The following ANKRD13D variants were observed in gnomAD, a reference collection of about 807,000 sequenced individuals.
ANKRD13D encodes the protein ankyrin repeat domain 13D, also known as ankyrin repeat domain-containing protein 13D.
Under a neutral mutation model 68.8 loss-of-function variants are expected in ANKRD13D, and 24 were observed. That is an observed-to-expected ratio of 0.35 (90% CI 0.25 to 0.49). ANKRD13D has a LOEUF of 0.49. Ranked by LOEUF, ANKRD13D falls within the 20% of genes least tolerant of loss-of-function variation. The pLI, the probability that ANKRD13D is intolerant of heterozygous loss-of-function variation, is 0.99. For synonymous variants in ANKRD13D, 331 were observed against 336.1 expected (o/e 0.98, Z 0.16); for missense variants, 735 against 832.1 (o/e 0.88, Z 1.44).
rs1860498171 is a variant in ANKRD13D, at chr11:67,290,680, C to A, written c.351+234C>A. On this transcript the variant is annotated intron_variant, in intron 3 of 14. Transcript: ENST00000511455. ...GAGAAGCCTTGCCAGCTTTGGGCCT[C>A]CTGAAGAATGCAGATTACCTGGAGC... 1.1e-5 allele frequency: 6 copies of A among 548,268 alleles called. No individual in the cohort carries two copies. In the South Asian group the frequency reaches 1.8e-4, roughly 17 times the overall value. The allele number at this position is 548,268 out of a possible 1,614,324, so 34.0% of individuals were successfully genotyped here. A position where few individuals can be genotyped will look rare whatever the true frequency, so the allele number is the denominator to read the frequency against.
chr11:67,299,465 C>T lies in ANKRD13D; in HGVS notation c.799-65C>T. The T allele has an allele frequency of 2.9e-6, 4 of 1,365,726 alleles. No individual in the cohort carries two copies. Among genetic ancestry groups the T allele is most frequent in the Middle Eastern group, 3.5e-4 (2 of 5,634 alleles). 84.6% of individuals were successfully genotyped at this position (1,365,726 alleles called of 1,614,324 possible). On this transcript the variant is annotated intron_variant, in intron 7 of 14. Transcript: ENST00000511455. This position sits in a 1 kb window ranked among gnomAD's most constrained non-coding sequence, Gnocchi z 6.2. Reference sequence around the variant, plus strand: ...GGGACAGGAGGACCTGGGTTCTGCACTGGTGAGGCTGAGTGTGGGGAGCAG... The same window carrying T: ...GGGACAGGAGGACCTGGGTTCTGCATTGGTGAGGCTGAGTGTGGGGAGCAG...
chr11:67,289,913 G>C (rs1181364066), intron 1 of ANKRD13D, 165 bp from the exon 2 acceptor site: 9 of 1,439,114 alleles, frequency 6.3e-6, no homozygotes, highest in Non-Finnish European at 8.2e-6. Flanking sequence ...CTTCCCTCCT[G>C]CCCCCTCCTC....
Position 67,299,084 on chromosome 11 carries a change from G to A in ANKRD13D, c.758G>A (p.Arg253Gln). Residue 253 changes from arginine to glutamine, a missense_variant, in exon 7 of 15, where the codon CGG becomes CAG. Coordinates refer to ENST00000511455, the MANE Select transcript of ANKRD13D (RefSeq NM_207354.3). The surrounding 1 kb of genome is among the most constrained non-coding windows in gnomAD (Gnocchi z 6.2). Reference sequence around the variant, plus strand: ...AACAAATGTGGTATCTGGGGCTGGCGGTCTGAGAAGATGGAAACTGTTAGC... The same window carrying A: ...AACAAATGTGGTATCTGGGGCTGGCAGTCTGAGAAGATGGAAACTGTTAGC... ...ERNKCGIWGW[R>Q]SEKMETVSGY... The A allele has an allele frequency of 1.2e-6, 2 of 1,613,344 alleles. No homozygotes were observed. Among genetic ancestry groups the A allele is most frequent in the Non-Finnish European group, 1.7e-6 (2 of 1,179,672 alleles).
chr11:67,300,058 C>T lies in ANKRD13D; in HGVS notation c.1008C>T (p.Asp336=). The change falls in exon 10 of 15, where the codon GAC becomes GAT. Residue 336 remains aspartate (D), a synonymous_variant. Coordinates refer to ENST00000511455, the MANE Select transcript of ANKRD13D (RefSeq NM_207354.3). This position sits in a 1 kb window ranked among gnomAD's most constrained non-coding sequence, Gnocchi z 4.3. ...CCATCTCCCCTGAGGAGTACTTCGA[C>T]CCCAACTTCAGCCTGGAGTCACGGA... ...PTAISPEEYF[D]PNFSLESRNI... The T allele has an allele frequency of 6.2e-7, 1 of 1,614,116 alleles. No individual in the cohort carries two copies. The highest frequency in any genetic ancestry group is 8.5e-7 in the Non-Finnish European group (1 of 1,179,982).
rs771332920 is a variant in ANKRD13D, at chr11:67,289,481, C to T, written c.21C>T (p.Thr7=). Reference sequence around the variant, plus strand: ...CCAGCATGGCCGGCCCGGGCCCCACCTTCCCGCTGCACCGGCTCGTCTGGG... The same window carrying T: ...CCAGCATGGCCGGCCCGGGCCCCACTTTCCCGCTGCACCGGCTCGTCTGGG... MAGPGP[T]FPLHRLVWAN... Residue 7 remains threonine, a synonymous_variant, in exon 1 of 15, where the codon ACC becomes ACT. Transcript: ENST00000511455. The T allele has an allele frequency of 3.3e-6, 5 of 1,510,284 alleles. No individual in the cohort carries two copies. The South Asian group carries it at 4.9e-5, about 15-fold the overall frequency. 93.6% of individuals were successfully genotyped at this position (1,510,284 alleles called of 1,614,324 possible).
chr11:67,299,735 T>G lies in ANKRD13D; in HGVS notation c.881-92T>G, dbSNP rs1860901503. The G allele has an allele frequency of 1.3e-6, 2 of 1,539,402 alleles. No individual in the cohort carries two copies. The highest frequency in any genetic ancestry group is 1.4e-5 in the African/African-American group (1 of 73,312). On this transcript the variant is annotated intron_variant, in intron 8 of 14. Transcript: ENST00000511455. This position sits in a 1 kb window ranked among gnomAD's most constrained non-coding sequence, Gnocchi z 6.2. ...GGCCTCCCCATTCCCGTCTGACCCC[T>G]CTTCCCCCAGACAGTAGGCTCCAGG...
In ANKRD13D at chr11:67,302,156, AG is replaced by A; in HGVS notation, c.1646del (p.Gly549AlafsTer60). On this transcript the variant is annotated frameshift_variant, in exon 15 of 15. Coordinates refer to ENST00000511455, the MANE Select transcript of ANKRD13D (RefSeq NM_207354.3). LOFTEE classifies it low-confidence loss of function (END_TRUNC). ...AAGCCTGCAGCTGTCCACAGAGCCC[AG>A]GGGCCCAGGATCCCCTCCCAGGACA... ...QESLQLSTEP[R>X]GPGSPPRTPP... is the part of the protein sequence containing the mutation. 1 of 1,595,948 alleles carries A rather than the reference AG, an allele frequency of 6.3e-7. No individual in the cohort carries two copies. The highest frequency in any genetic ancestry group is 8.5e-7 in the Non-Finnish European group (1 of 1,172,242).
rs1391328153 is a variant in ANKRD13D at position 67,300,315 on chromosome 11, G to A, written c.1073+192G>A. 7 of 739,504 alleles carry A rather than the reference G, an allele frequency of 9.5e-6. No homozygotes were observed. Among genetic ancestry groups the A allele is most frequent in the African/African-American group, 5.4e-5 (3 of 55,314 alleles). 45.8% of individuals were successfully genotyped at this position (739,504 alleles called of 1,614,324 possible). A position where few individuals can be genotyped will look rare whatever the true frequency, so the allele number is the denominator to read the frequency against. Reference sequence around the variant, plus strand: ...AGCAAGGGGCTTGGCACAGAAAACCGGTAGTTTGTCTTTGATGAATGGATG... The same window carrying A: ...AGCAAGGGGCTTGGCACAGAAAACCAGTAGTTTGTCTTTGATGAATGGATG... On this transcript the variant is annotated intron_variant, in intron 10 of 14. Coordinates refer to ENST00000511455, the MANE Select transcript of ANKRD13D (RefSeq NM_207354.3). The surrounding 1 kb of genome is among the most constrained non-coding windows in gnomAD (Gnocchi z 4.3).
In ANKRD13D at chr11:67,302,478, C is replaced by G. The variant is rs937089531; in HGVS notation, c.*146C>G. 5.5e-5 allele frequency: 69 copies of G among 1,245,534 alleles called. No individual in the cohort carries two copies. Among genetic ancestry groups the G allele is most frequent in the Non-Finnish European group, 7.1e-5 (66 of 935,226 alleles). 77.2% of individuals were successfully genotyped at this position (1,245,534 alleles called of 1,614,324 possible). ...ACTGAGATGGAAATAAAGAGACTGT[C>G]GCAGCAGGGCTGCTCTGCTCACTGG... On this transcript the variant is annotated 3_prime_UTR_variant, in exon 15 of 15. Transcript: ENST00000511455.
Position 67,299,187 on chromosome 11 carries a change from T to A in ANKRD13D, c.798+63T>A, listed in dbSNP as rs1860877461. ...ATGAGGTCCAGGAACTCAGCTCCTC[T>A]CCACATCCATCCCAGAGTAGCCCCT... On this transcript the variant is annotated intron_variant, in intron 7 of 14. Coordinates refer to ENST00000511455, the MANE Select transcript of ANKRD13D (RefSeq NM_207354.3). This position sits in a 1 kb window ranked among gnomAD's most constrained non-coding sequence, Gnocchi z 6.2. 1 of 1,572,706 alleles carries A rather than the reference T, an allele frequency of 6.4e-7. No homozygotes were observed. The highest frequency in any genetic ancestry group is 1.7e-5 in the Admixed American group (1 of 59,888).
chr11:67,301,491 A>G lies in ANKRD13D; in HGVS notation c.1352A>G (p.Asn451Ser), dbSNP rs1193856815. The part of the protein sequence containing the change: ...APSSAVAASG[N>S]PFPCEVDPTV... Reference sequence around the variant, plus strand: ...GGCCCCTCTGCCACCTGCCTAGGGAACCCTTTCCCGTGCGAGGTGGACCCC... The same window carrying G: ...GGCCCCTCTGCCACCTGCCTAGGGAGCCCTTTCCCGTGCGAGGTGGACCCC... The change falls in exon 13 of 15, where the codon AAC (asparagine) becomes AGC (serine). Residue 451 changes from asparagine to serine, a missense_variant. By Grantham distance (46) the Asn-to-Ser change is conservative (BLOSUM62 1). Transcript: ENST00000511455. This position sits in a 1 kb window ranked among gnomAD's most constrained non-coding sequence, Gnocchi z 4.5. 3 of 1,612,266 alleles carry G rather than the reference A, an allele frequency of 1.9e-6. No homozygotes were observed. Among genetic ancestry groups the G allele is most frequent in the Admixed American group, 1.7e-5 (1 of 59,942 alleles).
Position 67,290,305 on chromosome 11 carries a change from C to A in ANKRD13D, c.227-17C>A. The A allele has an allele frequency of 6.5e-7, 1 of 1,548,532 alleles. No individual in the cohort carries two copies. The highest frequency in any genetic ancestry group is 8.7e-7 in the Non-Finnish European group (1 of 1,145,640). ...GGGTCATCTGGAGGGCTCCCCTCAG[C>A]AGCCTGGTGCCCGCAGTCCTGCAGG... is the stretch of plus-strand genomic sequence containing the variant. On this transcript the variant is annotated splice_polypyrimidine_tract_variant and intron_variant, in intron 2 of 14. Transcript: ENST00000511455.
chr11:67,299,450 G>T lies in ANKRD13D; in HGVS notation c.799-80G>T. 8.4e-7 allele frequency: 1 copy of T among 1,195,428 alleles called. No homozygotes were observed. The highest frequency in any genetic ancestry group is 1.2e-6 in the Non-Finnish European group (1 of 837,074). The allele number at this position is 1,195,428 out of a possible 1,614,324, so 74.1% of individuals were successfully genotyped here. A position where few individuals can be genotyped will look rare whatever the true frequency, so the allele number is the denominator to read the frequency against. On this transcript the variant is annotated intron_variant, in intron 7 of 14. Coordinates refer to ENST00000511455, the MANE Select transcript of ANKRD13D (RefSeq NM_207354.3). The surrounding 1 kb of genome is among the most constrained non-coding windows in gnomAD (Gnocchi z 6.2). Reference sequence around the variant, plus strand: ...ATCTCATCTGTCTCTGGGACAGGAGGACCTGGGTTCTGCACTGGTGAGGCT... The same window carrying T: ...ATCTCATCTGTCTCTGGGACAGGAGTACCTGGGTTCTGCACTGGTGAGGCT...
intron 6 of ANKRD13D, among the ~76,000 whole-genome samples, chr11:67,294,990 A>AT (rs1250565199): frequency 6.6e-6 from 1 of 151,822 alleles, no homozygotes; most frequent in Non-Finnish European, 1.5e-5. Context: ...TTTCCTCAGT[A>AT]TTTTTTTTAA....
chr11:67,299,737 T>A lies in ANKRD13D; in HGVS notation c.881-90T>A. 1 of 1,537,338 alleles carries A rather than the reference T, an allele frequency of 6.5e-7. No individual in the cohort carries two copies. Among genetic ancestry groups the A allele is most frequent in the Non-Finnish European group, 8.8e-7 (1 of 1,135,324 alleles). On this transcript the variant is annotated intron_variant, in intron 8 of 14. Coordinates refer to ENST00000511455, the MANE Select transcript of ANKRD13D (RefSeq NM_207354.3). This position sits in a 1 kb window ranked among gnomAD's most constrained non-coding sequence, Gnocchi z 6.2. ...CCTCCCCATTCCCGTCTGACCCCTC[T>A]TCCCCCAGACAGTAGGCTCCAGGGG...
chr11:67,294,281 G>C (rs543679239), intron 6 of ANKRD13D, among the ~76,000 whole-genome samples: 1 of 152,244 alleles, frequency 6.6e-6, no homozygotes, highest in Non-Finnish European at 1.5e-5. Context: ...CAGAATATAT[G>C]AATTCTAGAT....
rs540716396 is a variant in ANKRD13D at position 67,290,401 on chromosome 11, G to A, written c.306G>A (p.Thr102=). 156 of 1,593,080 alleles carry A rather than the reference G, an allele frequency of 9.8e-5. No homozygotes were observed. Among genetic ancestry groups the A allele is most frequent in the Non-Finnish European group, 1.3e-4 (149 of 1,171,132 alleles). Reference sequence around the variant, plus strand: ...AGTATCGGGACTACCAGAGGGCCACGCAGAGGCTGGCGGGCATTCCGGAAC... The same window carrying A: ...AGTATCGGGACTACCAGAGGGCCACACAGAGGCTGGCGGGCATTCCGGAAC... ...VLQYRDYQRA[T]QRLAGIPELL... Residue 102 remains threonine (T), a synonymous_variant, in exon 3 of 15, where the codon ACG becomes ACA. Transcript: ENST00000511455.
At chr11:67,296,048 C>G (rs1403979381) in intron 6 of ANKRD13D, among the ~76,000 whole-genome samples, 1 of 152,138 alleles carries the variant, frequency 6.6e-6, no homozygotes, top group Non-Finnish European at 1.5e-5. Context: ...TTGAACCAAC[C>G]TTGCATTCCT....
chr11:67,297,313 C>A (rs1007872839), intron 6 of ANKRD13D, among the ~76,000 whole-genome samples: 3 of 151,630 alleles, frequency 2.0e-5, no homozygotes, highest in African/African-American at 7.3e-5. Context: ...CTCAAGTGAT[C>A]CTCCCACCTC....
Sources: gnomAD v4.1 joint callset for allele counts (sites outside exome capture counted in the v4.1 genomes callset) on GRCh38, gnomAD v4.1.1 for gene constraint, Gnocchi (gnomAD v3.1) non-coding constraint, MANE v1.5 for transcripts, NCBI Gene and HGNC (gene_info 2026-07-23, HGNC 2026-07-21) for gene names.